The following VIL1 variants were observed in gnomAD, a reference collection of about 807,000 sequenced individuals.
VIL1 encodes the protein villin-1.
In VIL1, 86 loss-of-function variants were observed where a neutral mutation model predicts 104.0. The observed-to-expected ratio is 0.83, with a 90% CI of 0.69 to 0.99. The LOEUF (loss-of-function observed/expected upper bound fraction) is 0.99. Ranked by LOEUF, VIL1 falls within the 50% of genes least tolerant of loss-of-function variation. VIL1 has a pLI of 0.00. For missense variants in VIL1, 944 were observed against 1,054.1 expected, an observed-to-expected ratio of 0.90 and a Z score of 1.45; for synonymous variants, 394 against 412.6, an observed-to-expected ratio of 0.95 and a Z score of 0.55.
At chr2:218,428,144 G>C (rs1188351557) in intron 5 of VIL1, 71 bp downstream of exon 5, 17 of 1,597,090 alleles carry the variant, frequency 1.1e-5, no homozygotes, top group Admixed American at 1.7e-5. Context: ...CTGAGGAGGG[G>C]TGAGGGGCAG....
intron 1 of VIL1, among the ~76,000 whole-genome samples, chr2:218,423,039 A>G (rs1266547964): frequency 1.3e-5 from 2 of 152,236 alleles, no homozygotes; most frequent in African/African-American, 4.8e-5. Flanking sequence ...GAGCATCAGC[A>G]CGTTCCGAAG....
At chr2:218,420,497 G>C (rs968389723) in intron 1 of VIL1, among the ~76,000 whole-genome samples, 4 of 150,192 alleles carry the variant, frequency 2.7e-5, no homozygotes, top group African/African-American at 9.8e-5. Context: ...CCTGCAGACA[G>C]TGGGAGCCCA....
intron 19 of VIL1, among the ~76,000 whole-genome samples, chr2:218,441,253 G>A (rs774506000): frequency 2.0e-5 from 3 of 152,056 alleles, no homozygotes; most frequent in Non-Finnish European, 2.9e-5. Flanking sequence ...GCCAGGTGTG[G>A]TGGTGTATGC....
chr2:218,449,634 A>C lies in VIL1; in HGVS notation c.*298A>C. On this transcript the variant is annotated 3_prime_UTR_variant, in exon 20 of 20. Coordinates refer to ENST00000248444, the MANE Select transcript of VIL1 (RefSeq NM_007127.3). ...TTTCTCTTCTTAGAAGAGCACAAAC[A>C]CTCCATGGAACATTAGAGTTCTGAG... 3.8e-6 allele frequency: 1 copy of C among 266,284 alleles called. No homozygotes were observed. The highest frequency in any genetic ancestry group is 7.9e-5 in the East Asian group (1 of 12,622). The allele number at this position is 266,284 out of a possible 1,614,324, so 16.5% of individuals were successfully genotyped here.
In VIL1 at chr2:218,425,810, G is replaced by A. The variant is rs768912005; in HGVS notation, c.346G>A (p.Val116Met). 5 of 1,603,738 alleles carry A rather than the reference G, an allele frequency of 3.1e-6. No individual in the cohort carries two copies. The Admixed American group carries it at 6.7e-5, about 22-fold the overall frequency. ...AFRGYFKQGL[V>M]IRKGGVASGM... ...CCGAGGCTACTTCAAGCAAGGCCTT[G>A]TGTAGGGAGGGTGGGCTGCAGGCCG... The change falls in exon 4 of 20, where the codon GTG becomes ATG. Residue 116 changes from valine to methionine, a missense_variant and splice_region_variant. Val to Met is a conservative substitution (Grantham distance 21, BLOSUM62 1). Transcript: ENST00000248444.
Position 218,425,710 on chromosome 2 carries a change from C to T in VIL1, c.246C>T (p.Thr82=). 6.2e-7 allele frequency: 1 copy of T among 1,614,188 alleles called. No homozygotes were observed. Among genetic ancestry groups the T allele is most frequent in the Non-Finnish European group, 8.5e-7 (1 of 1,180,040 alleles). ...LDEQGAAAIY[T]TQMDDFLKGR... is the part of the protein sequence containing the mutation. ...AGCAGGGGGCAGCTGCCATCTACACCACACAGATGGATGACTTCCTGAAGG... is the reference window on the plus strand; with the variant it reads ...AGCAGGGGGCAGCTGCCATCTACACTACACAGATGGATGACTTCCTGAAGG... Residue 82 remains threonine (T), a synonymous_variant, in exon 4 of 20, where the codon ACC becomes ACT. Coordinates refer to ENST00000248444, the MANE Select transcript of VIL1 (RefSeq NM_007127.3).
At chr2:218,437,365 GCT>G in intron 17 of VIL1, 53 bp downstream of exon 17, 8 of 1,581,758 alleles carry the variant, frequency 5.1e-6, no homozygotes, top group Non-Finnish European at 6.9e-6. Flanking sequence ...GGAGATCAGT[GCT>G]GATTCCTGCA....
At chr2:218,425,109 C>T (rs1688957232) in intron 3 of VIL1, among the ~76,000 whole-genome samples, 1 of 152,010 alleles carries the variant, frequency 6.6e-6, no homozygotes, top group Admixed American at 6.6e-5. Flanking sequence ...GAGACAGAGT[C>T]TCGCTCTGTC....
chr2:218,437,085 G>A, intron 16 of VIL1, 39 bp from the exon 17 acceptor site: 1 of 1,599,994 alleles, frequency 6.3e-7, no homozygotes, highest in Non-Finnish European at 8.6e-7. Context: ...GGCCAGGGAG[G>A]ACAGGAAGGA....
rs774044961 is a variant in VIL1, at chr2:218,432,930, G to C, written c.1479G>C (p.Lys493Asn). 1.2e-6 allele frequency: 2 copies of C among 1,614,092 alleles called. No homozygotes were observed. Among genetic ancestry groups the C allele is most frequent in the East Asian group, 4.5e-5 (2 of 44,898 alleles). The change falls in exon 13 of 20, where the codon AAG becomes AAC. Residue 493 changes from lysine (K) to asparagine (N), a missense_variant. By Grantham distance (94) the Lys-to-Asn change is moderately conservative. Coordinates refer to ENST00000248444, the MANE Select transcript of VIL1 (RefSeq NM_007127.3). ...KEPPHLMSIF[K>N]GRMVVYQGGT... ...CACCTCATCTTATGTCCATCTTCAAGGGACGCATGGTGGTCTACCAGGTGT... is the reference window on the plus strand; with the variant it reads ...CACCTCATCTTATGTCCATCTTCAACGGACGCATGGTGGTCTACCAGGTGT...
chr2:218,431,201 A>C, intron 10 of VIL1: 3 of 486,424 alleles, frequency 6.2e-6, no homozygotes, highest in Non-Finnish European at 1.1e-5. Context: ...GAACTAATAA[A>C]TTAGCCAAGC....
Position 218,430,894 on chromosome 2 carries a change from G to T in VIL1, c.1102+16G>T. ...GGCTCCGTGGGTGAGGGCCAGGCGG[G>T]GGCAGTGAGGGAGCCAGGATCCAGG... On this transcript the variant is annotated intron_variant, in intron 10 of 19. Transcript: ENST00000248444. 2 of 1,605,248 alleles carry T rather than the reference G, an allele frequency of 1.2e-6. No individual in the cohort carries two copies. The highest frequency in any genetic ancestry group is 1.7e-6 in the Non-Finnish European group (2 of 1,175,962).
chr2:218,436,992 G>T (rs1574817921), intron 16 of VIL1, 132 bp from the exon 17 acceptor site: 2 of 1,094,218 alleles, frequency 1.8e-6, no homozygotes, highest in Admixed American at 2.3e-5. Context: ...GATGATGCCT[G>T]CCCTAGGTCA....
chr2:218,441,973 G>A (rs886598564), intron 19 of VIL1, among the ~76,000 whole-genome samples: 2 of 151,828 alleles, frequency 1.3e-5, no homozygotes, highest in African/African-American at 4.9e-5. Context: ...GGCGACAAGA[G>A]TGTAACTCCA....
In VIL1 at chr2:218,449,413, A is replaced by T. The variant is rs566125781; in HGVS notation, c.*77A>T. 8.0e-7 allele frequency: 1 copy of T among 1,253,152 alleles called. No individual in the cohort carries two copies. The highest frequency in any genetic ancestry group is 1.2e-6 in the Non-Finnish European group (1 of 860,648). The allele number at this position is 1,253,152 out of a possible 1,614,324, so 77.6% of individuals were successfully genotyped here. On this transcript the variant is annotated 3_prime_UTR_variant, in exon 20 of 20. Transcript: ENST00000248444. ...ATTTTCTCACCGATATTAGTCCTAC[A>T]CCAATTGAAGTGAAATTTTGCAGAT...
chr2:218,428,922 G>C (rs561167843), intron 6 of VIL1, among the ~76,000 whole-genome samples: 27 of 152,242 alleles, frequency 1.8e-4, no homozygotes, highest in Middle Eastern at 6.8e-3. Flanking sequence ...CACCCGCCTC[G>C]GCCTCCCAGA....
chr2:218,430,699 C>A (rs774019384), intron 9 of VIL1, 26 bp from the exon 10 acceptor site: 2 of 1,558,118 alleles, frequency 1.3e-6, no homozygotes, highest in Non-Finnish European at 1.7e-6. Context: ...AGGTGCATAG[C>A]TTCCAGCCAC....
intron 9 of VIL1, among the ~76,000 whole-genome samples, 183 bp from the exon 10 acceptor site, chr2:218,430,542 C>T: frequency 6.6e-6 from 1 of 151,984 alleles, no homozygotes; most frequent in East Asian, 1.9e-4. Flanking sequence ...CAGATTTGAC[C>T]TTGAGGCTGG....
chr2:218,428,585 G>T (rs1689042579), intron 6 of VIL1, among the ~76,000 whole-genome samples: 1 of 152,226 alleles, frequency 6.6e-6, no homozygotes, highest in Non-Finnish European at 1.5e-5. Context: ...AGTGGTGAAT[G>T]AAATGGGCAT....
Sources: gnomAD v4.1 joint callset for allele counts (sites outside exome capture counted in the v4.1 genomes callset) on GRCh38, gnomAD v4.1.1 for gene constraint, MANE v1.5 for transcripts, NCBI Gene and HGNC (gene_info 2026-07-23, HGNC 2026-07-21) for gene names.